Variants in TTC3 observed in about 807,000 individuals in gnomAD.
TTC3 encodes the protein E3 ubiquitin-protein ligase TTC3.
Under a neutral mutation model 249.6 loss-of-function variants are expected in TTC3, and 180 were observed. The observed-to-expected ratio is 0.72, with a 90% CI of 0.64 to 0.82. The LOEUF is 0.82. TTC3 is among the 40% of genes least tolerant of loss of function. The probability of loss-of-function intolerance (pLI) is 0.00; values close to 1 mark genes in which losing one functional copy is unlikely to be tolerated. For synonymous variants in TTC3, 717 were observed against 805.0 expected (o/e 0.89, Z 1.85); for missense variants, 2,061 against 2,398.4 (o/e 0.86, Z 2.94).
chr21:37,183,029 T>A, intron 36 of TTC3, 116 bp downstream of exon 36: 1 of 925,122 alleles, frequency 1.1e-6, no homozygotes, highest in Non-Finnish European at 1.5e-6. Flanking sequence ...TAAAAATGAA[T>A]ACTGTTTTCA....
At chr21:37,168,964 A>G (rs762882439) in intron 34 of TTC3, among the ~76,000 whole-genome samples, 1 of 152,186 alleles carries the variant, frequency 6.6e-6, no homozygotes, top group Non-Finnish European at 1.5e-5. Context: ...AGGAAGCTTC[A>G]GTTCCTTGCC....
intron 13 of TTC3, among the ~76,000 whole-genome samples, chr21:37,123,800 G>A (rs2076819933): frequency 6.6e-6 from 1 of 151,678 alleles, no homozygotes; most frequent in African/African-American, 2.4e-5. Context: ...CCAGGCTGGA[G>A]TGCGGTGTTA....
intron 10 of TTC3, chr21:37,100,887 A>C (rs887387882): frequency 6.6e-6 from 1 of 152,234 alleles, no homozygotes; most frequent in Non-Finnish European, 1.5e-5. Context: ...TAATTATAGT[A>C]ATCAGAACTT....
chr21:37,124,892 A>G (rs1019616708), intron 14 of TTC3, 150 bp downstream of exon 14: 1 of 665,636 alleles, frequency 1.5e-6, no homozygotes, highest in Non-Finnish European at 2.5e-6. Context: ...TTTTAAATAA[A>G]TAATCTGAGT....
At chr21:37,117,121 A>G (rs2076204880) in intron 11 of TTC3, among the ~76,000 whole-genome samples, 1 of 152,244 alleles carries the variant, frequency 6.6e-6, no homozygotes, top group Non-Finnish European at 1.5e-5. Flanking sequence ...GTAAAAGGGA[A>G]AAGTCAGCCT....
intron 5 of TTC3, among the ~76,000 whole-genome samples, chr21:37,089,381 A>G (rs891987079): frequency 6.6e-6 from 1 of 152,024 alleles, no homozygotes. Flanking sequence ...TCAGTTGGTT[A>G]TGGAGTCAAG....
intron 36 of TTC3, among the ~76,000 whole-genome samples, chr21:37,185,088 T>C (rs1007195286): frequency 2.0e-5 from 3 of 152,154 alleles, no homozygotes; most frequent in African/African-American, 7.2e-5. Context: ...AGAAGTAAAA[T>C]AATAGTTAAA....
At position 37,111,741 on chromosome 21, in the gene TTC3, T is replaced by C. The variant is rs543944723; in HGVS notation, c.900+3295T>C. Among the ~76,000 whole-genome samples the C allele has an allele frequency of 1.9e-4, 29 of 152,244 alleles. 1 individual carries two copies. The East Asian group carries it at 5.2e-3, about 27-fold the overall frequency. ...AACTCTCCACCCCAAATCAACAGAA[T>C]ATACATTATTTTCAGCACCACACCA... On this transcript the variant is annotated intron_variant, in intron 11 of 45. Transcript: ENST00000355666.
intron 23 of TTC3, among the ~76,000 whole-genome samples, chr21:37,149,304 G>T (rs2079250130): frequency 6.6e-6 from 1 of 152,068 alleles, no homozygotes; most frequent in Admixed American, 6.6e-5. Context: ...GTTCTTATTG[G>T]GGAAAGAATG....
rs772950107 is a variant in TTC3, at chr21:37,088,213, A to G, written c.205A>G (p.Ile69Val). 3.1e-6 allele frequency: 5 copies of G among 1,608,824 alleles called. No individual in the cohort carries two copies. Among genetic ancestry groups the G allele is most frequent in the East Asian group, 2.2e-5 (1 of 44,806 alleles). The change falls in exon 4 of 46, where the codon ATA (isoleucine) becomes GTA (valine). Residue 69 changes from isoleucine to valine, a missense_variant. Around this residue, in one of 3 missense-constraint regions of TTC3, gnomAD observed 989 missense variants for 1,145.1 expected, o/e 0.86. Transcript: ENST00000355666. ...TAATTAAGAATTTGACATCTGCAGT[A>G]TATGGTGTAGTAAACCAATTTCTGT...
At chr21:37,122,123 T>C (rs2076632942) in intron 12 of TTC3, 144 bp downstream of exon 12, 2 of 688,272 alleles carry the variant, frequency 2.9e-6, no homozygotes, top group East Asian at 3.1e-5. Flanking sequence ...TCATGGCACT[T>C]GAGTTTTTCA....
exon 46 of TTC3, chr21:37,203,032 A>G (rs1247974559): frequency 2.6e-5 from 4 of 152,354 alleles, no homozygotes; most frequent in Admixed American, 2.0e-4. Flanking sequence ...TGTTTTGTAC[A>G]TAACTTCAGA....
chr21:37,076,351 T>G (rs1353143639), intron 1 of TTC3, among the ~76,000 whole-genome samples: 1 of 152,216 alleles, frequency 6.6e-6, no homozygotes, highest in Non-Finnish European at 1.5e-5. Context: ...GCATTTTGGT[T>G]GTTTCTAGGT....
intron 17 of TTC3, 75 bp from the exon 18 acceptor site, chr21:37,135,305 A>C (rs547584595): frequency 2.1e-6 from 3 of 1,457,754 alleles, no homozygotes; most frequent in Non-Finnish European, 2.8e-6. Flanking sequence ...AAATATTACT[A>C]TGAACTTGGC....
At chr21:37,184,009 T>A (rs978883560) in intron 36 of TTC3, among the ~76,000 whole-genome samples, 2 of 152,182 alleles carry the variant, frequency 1.3e-5, no homozygotes, top group Admixed American at 1.3e-4. Context: ...ATGACTTTCA[T>A]TATGAGTCTT....
intron 11 of TTC3, among the ~76,000 whole-genome samples, chr21:37,114,768 A>G (rs1300570815): frequency 1.3e-4 from 20 of 152,156 alleles, no homozygotes; most frequent in Admixed American, 1.3e-3. Flanking sequence ...AATAGCAAAG[A>G]CTTGGAACCA....
chr21:37,121,715 T>C, intron 11 of TTC3, 102 bp from the exon 12 acceptor site: 1 of 1,127,366 alleles, frequency 8.9e-7, no homozygotes, highest in South Asian at 2.1e-5. Flanking sequence ...ATCTAATATT[T>C]TAAGTAATGA....
intron 10 of TTC3, among the ~76,000 whole-genome samples, chr21:37,103,857 G>A (rs887794086): frequency 6.6e-6 from 1 of 151,074 alleles, no homozygotes; most frequent in Admixed American, 6.6e-5. Flanking sequence ...CTAAGCCAAG[G>A]AGGGCCTTGT....
intron 13 of TTC3, among the ~76,000 whole-genome samples, chr21:37,123,744 ATT>A (rs575866108): frequency 2.1e-5 from 3 of 145,522 alleles, no homozygotes; most frequent in Non-Finnish European, 3.0e-5. Context: ...GGTCATAGGT[ATT>A]TTTTTTTTTT....
Sources: allele counts gnomAD v4.1 joint callset (sites outside exome capture counted in the v4.1 genomes callset), GRCh38; gene constraint gnomAD v4.1.1; regional missense constraint gnomAD v4.1.1; transcripts MANE v1.5; gene names NCBI Gene and HGNC (gene_info 2026-07-23, HGNC 2026-07-21).